TCP1: variants seen among roughly 807,000 people sequenced by gnomAD.
The protein encoded by TCP1 is T-complex protein 1 subunit alpha.
Under a neutral mutation model 54.7 loss-of-function variants are expected in TCP1, and 6 were observed. That is an observed-to-expected ratio of 0.11 (90% CI 0.06 to 0.22). TCP1 has a LOEUF of 0.22. Among genes scored for constraint, TCP1 ranks in the 10% least tolerant of loss-of-function variants. The pLI, the probability that TCP1 is intolerant of heterozygous loss-of-function variation, is 1.00. For synonymous variants in TCP1, 225 were observed against 229.7 expected (o/e 0.98, Z 0.19); for missense variants, 511 against 678.2 (o/e 0.75, Z 2.74).
chr6:159,787,721 A>G (rs779020852), intron 3 of TCP1, 22 bp downstream of exon 3: 8 of 1,591,728 alleles, frequency 5.0e-6, no homozygotes, highest in African/African-American at 1.3e-5. Flanking sequence ...AAAAATGATC[A>G]TTCTTTAGCC....
chr6:159,780,408 G>A (rs1780547803), intron 9 of TCP1, 35 bp downstream of exon 9: 15 of 1,612,042 alleles, frequency 9.3e-6, no homozygotes, highest in Non-Finnish European at 1.2e-5. Flanking sequence ...TAACAAAATC[G>A]GTATAACTTT....
At chr6:159,780,683 C>A in intron 8 of TCP1, 117 bp from the exon 9 acceptor site, 1 of 1,368,538 alleles carries the variant, frequency 7.3e-7, no homozygotes, top group Non-Finnish European at 1.0e-6. Context: ...TTTAGTTAGG[C>A]AGCACACGGT....
At chr6:159,785,282 C>T in intron 5 of TCP1, 104 bp downstream of exon 5, 1 of 870,748 alleles carries the variant, frequency 1.1e-6, no homozygotes, top group Non-Finnish European at 1.9e-6. Context: ...ATACTCCTAC[C>T]TCAGCCTCCT....
Position 159,779,058 on chromosome 6 carries a change from G to T in TCP1, c.1658C>A (p.Ala553Asp). 6 of 1,613,650 alleles carry T rather than the reference G, an allele frequency of 3.7e-6. No individual in the cohort carries two copies. Among genetic ancestry groups the T allele is most frequent in the Non-Finnish European group, 5.1e-6 (6 of 1,179,666 alleles). Reference sequence around the variant, plus strand: ...AGGAACATCAGATCAATCATTAAGGGCTCCAGAGTGAACAGCATCTTCATA... The same window carrying T: ...AGGAACATCAGATCAATCATTAAGGTCTCCAGAGTGAACAGCATCTTCATA... ...GSYEDAVHSG[A>D]LND The change falls in exon 12 of 12, where the codon GCC becomes GAC. Residue 553 changes from alanine (A) to aspartate (D), a missense_variant. This residue lies in a region of TCP1 where 29 missense variants were observed against 27.7 expected (regional missense o/e 1.05). Coordinates refer to ENST00000321394, the MANE Select transcript of TCP1 (RefSeq NM_030752.3).
rs1328261446 is a variant in TCP1 at position 159,788,127 on chromosome 6, C to G, written c.81G>C (p.Ser27=). ...IRSQNVMAAA[S]IANIVKSSLG... ...GAGAACTTTTTACAATATTGGCAAT[C>G]GAAGCTGCAGCCATAACTGTAGACA... Residue 27 remains serine (S), a synonymous_variant, in exon 2 of 12, where the codon TCG becomes TCC. Coordinates refer to ENST00000321394, the MANE Select transcript of TCP1 (RefSeq NM_030752.3). 1 of 1,613,942 alleles carries G rather than the reference C, an allele frequency of 6.2e-7. No homozygotes were observed. The highest frequency in any genetic ancestry group is 1.3e-5 in the African/African-American group (1 of 75,008).
At chr6:159,789,244 G>T in intron 1 of TCP1, 161 bp downstream of exon 1, 2 of 757,150 alleles carry the variant, frequency 2.6e-6, no homozygotes, top group Non-Finnish European at 4.2e-6. Context: ...GGGCCACAGC[G>T]CCCTGCCCCA....
intron 7 of TCP1, 127 bp downstream of exon 7, chr6:159,783,814 C>A: frequency 2.3e-6 from 3 of 1,295,186 alleles, no homozygotes; most frequent in Non-Finnish European, 2.1e-6. Flanking sequence ...GTTGTATAAC[C>A]CCAAATCCCT....
At chr6:159,781,428 G>A (rs1199681879) in intron 7 of TCP1, among the ~76,000 whole-genome samples, 1 of 152,178 alleles carries the variant, frequency 6.6e-6, no homozygotes, top group Non-Finnish European at 1.5e-5. Flanking sequence ...GTGGTATGCA[G>A]AGATTACAAG....
intron 3 of TCP1, 123 bp from the exon 4 acceptor site, chr6:159,786,120 G>T: frequency 2.8e-6 from 2 of 710,324 alleles, no homozygotes; most frequent in Non-Finnish European, 4.7e-6. Flanking sequence ...TGAATTAACT[G>T]GTTATTAGAA....
Position 159,780,452 on chromosome 6 carries a change from A to G in TCP1, c.1088T>C (p.Leu363Ser), listed in dbSNP as rs1446318985. The G allele has an allele frequency of 1.9e-6, 3 of 1,613,734 alleles. No homozygotes were observed. The highest frequency in any genetic ancestry group is 2.5e-6 in the Non-Finnish European group (3 of 1,179,872). ...AGAAAGTGGCTCTTACTTTTTGATTAAGATCAGCTCATCATCACAAATTCT... is the reference window on the plus strand; with the variant it reads ...AGAAAGTGGCTCTTACTTTTTGATTGAGATCAGCTCATCATCACAAATTCT... ...QERICDDELILIKNTKARTSA... is the reference protein window; with the variant it reads ...QERICDDELISIKNTKARTSA... Residue 363 changes from leucine to serine, a missense_variant, in exon 9 of 12, where the codon TTA (leucine) becomes TCA (serine). Physicochemically the swap from Leu to Ser is moderately radical, Grantham distance 145. Transcript: ENST00000321394.
Position 159,784,813 on chromosome 6 carries a change from C to T in TCP1, c.523G>A (p.Ala175Thr), listed in dbSNP as rs751368790. 4 of 1,614,158 alleles carry T rather than the reference C, an allele frequency of 2.5e-6. No homozygotes were observed. In the East Asian group the frequency reaches 8.9e-5, roughly 36 times the overall value. The change falls in exon 6 of 12, where the codon GCT becomes ACT. Residue 175 changes from alanine to threonine, a missense_variant. Physicochemically the swap from Ala to Thr is moderately conservative, Grantham distance 58. Transcript: ENST00000321394. ...GDFFANMVVD[A>T]VLAIKYTDIR... The stretch of plus-strand genomic sequence containing the variant: ...TCTGTGTATTTAATAGCAAGTACAG[C>T]ATCTACTACCATGTTAGCAAAGAAA...
chr6:159,779,493 G>A, intron 11 of TCP1, 134 bp downstream of exon 11: 1 of 1,244,636 alleles, frequency 8.0e-7, no homozygotes. Flanking sequence ...AACAACAAAT[G>A]CTTGCTGTGA....
Position 159,778,832 on chromosome 6 carries a change from T to A in TCP1, c.*213A>T, listed in dbSNP as rs373691244. ...CAATGTGTGTTCAGAGAGAATGAAT[T>A]GCTTAAACTTTGAACAACCTCAATT... On this transcript the variant is annotated 3_prime_UTR_variant, in exon 12 of 12. Coordinates refer to ENST00000321394, the MANE Select transcript of TCP1 (RefSeq NM_030752.3). 8.1e-6 allele frequency: 13 copies of A among 1,613,970 alleles called. No individual in the cohort carries two copies. Among genetic ancestry groups the A allele is most frequent in the Non-Finnish European group, 5.9e-6 (7 of 1,179,970 alleles).
chr6:159,781,815 G>A (rs758602019), intron 7 of TCP1, among the ~76,000 whole-genome samples: 4 of 152,096 alleles, frequency 2.6e-5, no homozygotes, highest in Non-Finnish European at 5.9e-5. Flanking sequence ...AGAGTTGAAA[G>A]CACAAAAGAA....
At chr6:159,785,773 C>A in intron 4 of TCP1, 127 bp downstream of exon 4, 1 of 871,942 alleles carries the variant, frequency 1.1e-6, no homozygotes, top group Non-Finnish European at 1.9e-6. Flanking sequence ...AATATTACTA[C>A]TTAAATGCTA....
intron 7 of TCP1, among the ~76,000 whole-genome samples, chr6:159,783,263 T>G (rs1272260070): frequency 6.6e-6 from 1 of 152,062 alleles, no homozygotes; most frequent in East Asian, 1.9e-4. Context: ...GAAAGGACAC[T>G]TTGTTGTATG....
chr6:159,780,662 C>T (rs1478083878), intron 8 of TCP1, 96 bp from the exon 9 acceptor site: 1 of 1,488,172 alleles, frequency 6.7e-7, no homozygotes, highest in Non-Finnish European at 9.0e-7. Flanking sequence ...TGCTATATTA[C>T]AAGTTTAGAA....
chr6:159,779,604 A>T (rs767611091), intron 11 of TCP1, 23 bp downstream of exon 11: 1 of 1,583,990 alleles, frequency 6.3e-7, no homozygotes, highest in Non-Finnish European at 8.5e-7. Context: ...AGAGGTTAAC[A>T]AAGAGCGGGA....
At chr6:159,785,301 G>A (rs1295169567) in intron 5 of TCP1, 85 bp downstream of exon 5, 2 of 1,020,540 alleles carry the variant, frequency 2.0e-6, no homozygotes, top group African/African-American at 3.2e-5. Context: ...CTTAGTAGCT[G>A]GGACTACAGG....
Sources: allele counts gnomAD v4.1 joint callset (sites outside exome capture counted in the v4.1 genomes callset), GRCh38; gene constraint gnomAD v4.1.1; regional missense constraint gnomAD v4.1.1; transcripts MANE v1.5; gene names NCBI Gene and HGNC (gene_info 2026-07-23, HGNC 2026-07-21).